Variants in CASP1 observed in about 807,000 individuals in gnomAD.
CASP1 encodes the protein caspase-1.
A neutral mutation model predicts 41.2 loss-of-function variants in CASP1; 31 were observed. The observed-to-expected ratio is 0.75, with a 90% CI of 0.57 to 1.02. The LOEUF (loss-of-function observed/expected upper bound fraction) is 1.02. Ranked by LOEUF, CASP1 falls within the 50% of genes least tolerant of loss-of-function variation. The pLI, the probability that CASP1 is intolerant of heterozygous loss-of-function variation, is 0.00. For missense variants in CASP1, 490 were observed against 495.7 expected, an observed-to-expected ratio of 0.99 and a Z score of 0.11; for synonymous variants, 163 against 166.5, an observed-to-expected ratio of 0.98 and a Z score of 0.16.
In CASP1 at chr11:105,029,284, T is replaced by A. The variant is rs1341869176; in HGVS notation, c.863-17A>T. The stretch of plus-strand genomic sequence containing the variant: ...CAGGGCTGTCTGGAAAGACACAGTT[T>A]GATTTGTTACTACTACCAATGGCTG... On this transcript the variant is annotated splice_polypyrimidine_tract_variant and intron_variant, in intron 6 of 8. Transcript: ENST00000533400. 8 of 1,605,618 alleles carry A rather than the reference T, an allele frequency of 5.0e-6. No homozygotes were observed. The highest frequency in any genetic ancestry group is 6.8e-6 in the Non-Finnish European group (8 of 1,176,850).
chr11:105,036,143 A>G (rs1360377962), upstream of CASP1, among the ~76,000 whole-genome samples: 1 of 152,224 alleles, frequency 6.6e-6, no homozygotes, highest in Admixed American at 6.5e-5. Context: ...ATAGCCTGGC[A>G]AATGGTAAGC....
chr11:105,027,974 C>A (rs7103031), intron 7 of CASP1, among the ~76,000 whole-genome samples: 8,721 of 152,056 alleles, frequency 0.057, 782 homozygotes, highest in African/African-American at 0.2. Flanking sequence ...AAGAAAGACA[C>A]ATAAATCAGC....
intron 3 of CASP1, among the ~76,000 whole-genome samples, chr11:105,031,681 T>TA (rs1863708461): frequency 6.6e-6 from 1 of 152,158 alleles, no homozygotes; most frequent in African/African-American, 2.4e-5. Flanking sequence ...AGGTCTTAAT[T>TA]TAATCTACTA....
At chr11:105,035,740 C>T (rs922532127), upstream of CASP1, among the ~76,000 whole-genome samples, 6 of 150,650 alleles carry the variant, frequency 4.0e-5, no homozygotes, top group South Asian at 4.3e-4. Context: ...CTCAGCCTCC[C>T]GAGTAGCTGC....
rs1591197992 is a variant in CASP1, at chr11:105,030,230, A to T, written c.627+100T>A. On this transcript the variant is annotated intron_variant, in intron 5 of 8. Coordinates refer to ENST00000533400, the MANE Select transcript of CASP1 (RefSeq NM_001257118.3). The stretch of plus-strand genomic sequence containing the variant: ...TCATGGCAAGTTTGTATTTTAGATT[A>T]TCAAGAGATTACATTTCTTGGTCTT... The T allele has an allele frequency of 1.4e-5, 14 of 1,020,214 alleles. No homozygotes were observed. In the South Asian group the frequency reaches 1.7e-4, roughly 12 times the overall value. The allele number at this position is 1,020,214 out of a possible 1,614,324, so 63.2% of individuals were successfully genotyped here. A position where few individuals can be genotyped will look rare whatever the true frequency, so the allele number is the denominator to read the frequency against.
At chr11:105,034,173 C>G (rs781107239) in intron 2 of CASP1, 35 bp downstream of exon 2, 21 of 1,613,618 alleles carry the variant, frequency 1.3e-5, no homozygotes, top group South Asian at 2.2e-5. Flanking sequence ...AAGACAGGCC[C>G]TAGGTGAACT....
At chr11:105,034,576 TC>T in intron 1 of CASP1, 102 bp from the exon 2 acceptor site, 2 of 1,552,282 alleles carry the variant, frequency 1.3e-6, no homozygotes, top group East Asian at 4.5e-5. Context: ...CAGTGAAATG[TC>T]CCCCTCCTCA....
chr11:105,033,678 A>C (rs1357830517), intron 2 of CASP1, among the ~76,000 whole-genome samples: 1 of 152,240 alleles, frequency 6.6e-6, no homozygotes, highest in Non-Finnish European at 1.5e-5. Flanking sequence ...CAACTGGAGG[A>C]ATGAGCCCAT....
chr11:105,030,548 T>G, intron 4 of CASP1, 45 bp from the exon 5 acceptor site: 1 of 1,538,510 alleles, frequency 6.5e-7, no homozygotes, highest in South Asian at 1.2e-5. Context: ...TCTTTCCAAT[T>G]AAATATTTCC....
intron 8 of CASP1, 47 bp from the exon 9 acceptor site, chr11:105,026,403 T>C (rs778385184): frequency 7.7e-6 from 10 of 1,295,986 alleles, no homozygotes; most frequent in Non-Finnish European, 1.1e-5. Context: ...GCTGAGTTTT[T>C]TTTTTCAAGA....
chr11:105,035,618 G>GT (rs56746743), upstream of CASP1, among the ~76,000 whole-genome samples: 3 of 103,436 alleles, frequency 2.9e-5, no homozygotes, highest in African/African-American at 1.1e-4. Context: ...TTTTCTTTCT[G>GT]TTTTTTTTTT....
rs764213330 is a variant in CASP1, at chr11:105,026,329, C to A, written c.1144G>T (p.Gly382Cys). The A allele has an allele frequency of 6.2e-7, 1 of 1,611,292 alleles. No homozygotes were observed. Among genetic ancestry groups the A allele is most frequent in the South Asian group, 1.1e-5 (1 of 90,998 alleles). ...TCAGTGGTGGGCATCTGCGCTCTAC[C>A]ATCTGGCTGCTCAAATGAAAATCGA... ...KVRFSFEQPD[G>C]RAQMPTTERV... The change falls in exon 9 of 9, where the codon GGT (glycine) becomes TGT (cysteine). Residue 382 changes from glycine to cysteine, a missense_variant. By Grantham distance (159) the Gly-to-Cys change is radical. Transcript: ENST00000533400.
upstream of CASP1, among the ~76,000 whole-genome samples, chr11:105,035,655 G>A (rs558400774): frequency 2.4e-4 from 23 of 96,358 alleles, 1 homozygote; most frequent in East Asian, 7.6e-4. Flanking sequence ...TCATTCTGTC[G>A]TGCAGGCCGG....
Position 105,026,285 on chromosome 11 carries a change from T to G in CASP1, c.1188A>C (p.Arg396Ser). 1 of 1,610,258 alleles carries G rather than the reference T, an allele frequency of 6.2e-7. No individual in the cohort carries two copies. The highest frequency in any genetic ancestry group is 8.5e-7 in the Non-Finnish European group (1 of 1,176,990). ...AATGTCCTGGGAAGAGGTAGAAACA[T>G]CTTGTCAAAGTCACTCTTTCAGTGG... ...MPTTERVTLT[R>S]CFYLFPGH is the part of the protein sequence containing the mutation. The change falls in exon 9 of 9, where the codon AGA becomes AGC. Residue 396 changes from arginine (R) to serine (S), a missense_variant. By Grantham distance (110) the Arg-to-Ser change is moderately radical. Coordinates refer to ENST00000533400, the MANE Select transcript of CASP1 (RefSeq NM_001257118.3).
chr11:105,035,188 C>T (rs1863954428), upstream of CASP1: 4 of 1,590,260 alleles, frequency 2.5e-6, no homozygotes, highest in Non-Finnish European at 3.5e-6. Context: ...AGGGCCTGTA[C>T]ATGTATTGGG....
In CASP1 at chr11:105,029,692, C is replaced by T. The variant is rs1257617014; in HGVS notation, c.835G>A (p.Val279Met). 15 of 1,613,428 alleles carry T rather than the reference C, an allele frequency of 9.3e-6. No individual in the cohort carries two copies. Among genetic ancestry groups the T allele is most frequent in the African/African-American group, 1.3e-5 (1 of 74,886 alleles). Residue 279 changes from valine (V) to methionine (M), a missense_variant, in exon 6 of 9, where the codon GTG becomes ATG. Val to Met is a conservative substitution (Grantham distance 21, BLOSUM62 1). Transcript: ENST00000533400. Reference sequence around the variant, plus strand: ...CCACGGCAGGCCTGGATGATGATCACCTTCGGTTTGTCCTTCAAACTTGGG... The same window carrying T: ...CCACGGCAGGCCTGGATGATGATCATCTTCGGTTTGTCCTTCAAACTTGGG... ...NCPSLKDKPK[V>M]IIIQACRGDS...
upstream of CASP1, among the ~76,000 whole-genome samples, chr11:105,036,142 C>A (rs1418442508): frequency 6.6e-6 from 1 of 152,018 alleles, no homozygotes; most frequent in East Asian, 1.9e-4. Context: ...CATAGCCTGG[C>A]AAATGGTAAG....
chr11:105,027,444 G>A (rs1319266491), intron 7 of CASP1, among the ~76,000 whole-genome samples: 1 of 152,040 alleles, frequency 6.6e-6, no homozygotes, highest in Non-Finnish European at 1.5e-5. Context: ...TCTAGGAGGA[G>A]TAGATAAGGA....
At chr11:105,026,777 C>G in intron 8 of CASP1, 65 bp downstream of exon 8, 1 of 846,974 alleles carries the variant, frequency 1.2e-6, no homozygotes. Flanking sequence ...GCTTTCTATG[C>G]TTCCAATTGC....
Sources: allele counts gnomAD v4.1 joint callset (sites outside exome capture counted in the v4.1 genomes callset), GRCh38; gene constraint gnomAD v4.1.1; transcripts MANE v1.5; gene names NCBI Gene and HGNC (gene_info 2026-07-23, HGNC 2026-07-21).